The following PDE4D variants were observed in gnomAD, a reference collection of about 807,000 sequenced individuals.
PDE4D encodes the protein phosphodiesterase 4D, also known as 3',5'-cyclic-AMP phosphodiesterase 4D.
In PDE4D, 24 loss-of-function variants were observed where a neutral mutation model predicts 87.4. The ratio of observed to expected loss-of-function variants is 0.27; its 90% CI spans 0.20 to 0.39. The LOEUF is 0.39. Ranked by LOEUF, PDE4D falls within the 10% of genes least tolerant of loss-of-function variation. PDE4D has a pLI of 1.00. For missense variants in PDE4D, 714 were observed against 1,041.0 expected (o/e 0.69, Z 4.32); for synonymous variants, 384 against 383.2 (o/e 1.00, Z -0.02).
intron 1 of PDE4D, among the ~76,000 whole-genome samples, chr5:60,478,426 A>T (rs1388655947): frequency 6.6e-6 from 1 of 152,172 alleles, no homozygotes; most frequent in Non-Finnish European, 1.5e-5. Context: ...TCCTTCAGTA[A>T]TTCTCCTCTA....
intron 2 of PDE4D, among the ~76,000 whole-genome samples, chr5:59,207,099 A>T (rs1748964551): frequency 6.6e-6 from 1 of 152,108 alleles, no homozygotes; most frequent in Non-Finnish European, 1.5e-5. Flanking sequence ...TGGGAGAATC[A>T]CTTGAGCCCA....
chr5:59,380,388 C>CAAAAAAAAAAAAAAAAAAA (rs10574102), intron 1 of PDE4D, among the ~76,000 whole-genome samples: 1 of 108,958 alleles, frequency 9.2e-6, no homozygotes, highest in African/African-American at 3.4e-5. Flanking sequence ...CAAAAGCAAT[C>CAAAAAAAAAAAAAAAAAAA]AAAAAAAAAA....
chr5:60,408,349 G>A (rs1741752204), intron 1 of PDE4D, among the ~76,000 whole-genome samples: 1 of 152,136 alleles, frequency 6.6e-6, no homozygotes, highest in African/African-American at 2.4e-5. Flanking sequence ...CTCTGTGGAG[G>A]CTCCAATCCT....
rs970078916 is a variant in PDE4D, at chr5:59,536,723, G to C, written c.456-320755C>G. 3.3e-5 allele frequency among the ~76,000 whole-genome samples: 5 copies of C among 152,002 alleles called. 1 individual carries two copies. The highest frequency in any genetic ancestry group is 2.6e-4 in the Admixed American group (4 of 15,260). ...TCAGACCCTTACAGGCTTTTGAAAA[G>C]ACTCTTTTTTCTTTAATATGAGATG... On this transcript the variant is annotated intron_variant, in intron 1 of 14. Transcript: ENST00000340635.
intron 1 of PDE4D, among the ~76,000 whole-genome samples, chr5:59,542,348 A>G (rs990255671): frequency 1.3e-5 from 2 of 152,184 alleles, no homozygotes; most frequent in Admixed American, 6.5e-5. Flanking sequence ...CTGTACAGAG[A>G]GTACAGACAT....
At chr5:59,315,336 C>T (rs922868145) in intron 1 of PDE4D, among the ~76,000 whole-genome samples, 27 of 152,140 alleles carry the variant, frequency 1.8e-4, no homozygotes, top group African/African-American at 6.5e-4. Context: ...CCGATGGGAC[C>T]ATTCTGTTCT....
At chr5:59,656,975 C>T (rs1465839552) in intron 1 of PDE4D, among the ~76,000 whole-genome samples, 1 of 152,012 alleles carries the variant, frequency 6.6e-6, no homozygotes, top group African/African-American at 2.4e-5. Flanking sequence ...TCTACAATAC[C>T]TGCCTTTTAC....
rs1783303159 is a variant in PDE4D at position 60,170,344 on chromosome 5, C to CT, written c.42+15212dup. Among the ~76,000 whole-genome samples the CT allele has an allele frequency of 7.9e-5, 12 of 151,808 alleles. No homozygotes were observed. In the South Asian group the frequency reaches 2.5e-3, roughly 32 times the overall value. On this transcript the variant is annotated intron_variant, in intron 2 of 16. Coordinates refer to the PDE4D transcript ENST00000502484. ...TAGCAACTGATAGGCTAGCCTTTCA[C>CT]TATAGATCTACATAATTCCAAGGAT...
At chr5:59,960,615 C>G (rs1759359144) in intron 3 of PDE4D, among the ~76,000 whole-genome samples, 1 of 152,074 alleles carries the variant, frequency 6.6e-6, no homozygotes, top group African/African-American at 2.4e-5. Flanking sequence ...AACAGCAAAC[C>G]AAATGTTGCA....
intron 5 of PDE4D, among the ~76,000 whole-genome samples, chr5:59,143,426 A>C (rs1177034966): frequency 6.6e-6 from 1 of 152,222 alleles, no homozygotes; most frequent in Non-Finnish European, 1.5e-5. Flanking sequence ...AATTTAATAT[A>C]GGGATTAAGA....
At chr5:59,815,908 T>G (rs1768922586) in intron 1 of PDE4D, among the ~76,000 whole-genome samples, 1 of 152,350 alleles carries the variant, frequency 6.6e-6, no homozygotes, top group Admixed American at 6.5e-5. Flanking sequence ...CTGAAATTAT[T>G]TTATTGTAAA....
chr5:59,570,032 G>A (rs1017873580), intron 1 of PDE4D, among the ~76,000 whole-genome samples: 1 of 152,162 alleles, frequency 6.6e-6, no homozygotes, highest in Non-Finnish European at 1.5e-5. Context: ...TGTGATTACC[G>A]TGAATGAGGT....
chr5:59,462,715 C>G (rs1487789728), intron 1 of PDE4D, among the ~76,000 whole-genome samples: 1 of 152,100 alleles, frequency 6.6e-6, no homozygotes, highest in Non-Finnish European at 1.5e-5. Context: ...GCTGGTAAAT[C>G]AAAGATACGT....
chr5:60,339,887 T>A (rs538501072), intron 1 of PDE4D, among the ~76,000 whole-genome samples: 8 of 152,264 alleles, frequency 5.3e-5, no homozygotes, highest in Non-Finnish European at 1.2e-4. Flanking sequence ...CCGAGGCAAC[T>A]CAGCATGTGC....
chr5:59,130,841 T>C (rs565267778), intron 5 of PDE4D, among the ~76,000 whole-genome samples: 1 of 152,356 alleles, frequency 6.6e-6, no homozygotes, highest in East Asian at 1.9e-4. Context: ...TGAATAGCCC[T>C]TCTGCCTCAT....
Position 59,185,214 on chromosome 5 carries a change from T to C in PDE4D, c.733A>G (p.Asn245Asp). The C allele has an allele frequency of 6.2e-7, 1 of 1,612,910 alleles. No individual in the cohort carries two copies. The highest frequency in any genetic ancestry group is 8.5e-7 in the Non-Finnish European group (1 of 1,179,162). The change falls in exon 4 of 15, where the codon AAT (asparagine) becomes GAT (aspartate). Residue 245 changes from asparagine to aspartate, a missense_variant. Transcript: ENST00000340635. ...TVRNNFAALT[N>D]LQDRAPSKRS... is the part of the protein sequence containing the mutation. ...TTGCTAGGTGCTCGATCTTGCAAATTAGTTAATGCAGCAAAGTTGTTTCGT... is the reference window on the plus strand; with the variant it reads ...TTGCTAGGTGCTCGATCTTGCAAATCAGTTAATGCAGCAAAGTTGTTTCGT...
chr5:60,042,739 G>A (rs1226392960), intron 2 of PDE4D, among the ~76,000 whole-genome samples: 2 of 152,144 alleles, frequency 1.3e-5, no homozygotes, highest in African/African-American at 4.8e-5. Flanking sequence ...CAAACAGAAA[G>A]GAGTAGCATC....
intron 1 of PDE4D, among the ~76,000 whole-genome samples, chr5:59,578,476 A>ATAATAATTTGTG (rs757581834): frequency 6.6e-6 from 1 of 152,214 alleles, no homozygotes; most frequent in Non-Finnish European, 1.5e-5. Context: ...TTTCCCTGAC[A>ATAATAATTTGTG]TAATACTTTG....
intron 3 of PDE4D, among the ~76,000 whole-genome samples, chr5:59,932,551 C>T (rs1246476572): frequency 1.3e-5 from 2 of 152,160 alleles, no homozygotes; most frequent in Non-Finnish European, 2.9e-5. Flanking sequence ...TGCCTAAGGT[C>T]CAAAGTAAGT....
Sources: gnomAD v4.1 joint callset for allele counts (sites outside exome capture counted in the v4.1 genomes callset) on GRCh38, gnomAD v4.1.1 for gene constraint, MANE v1.5 for transcripts, NCBI Gene and HGNC (gene_info 2026-07-23, HGNC 2026-07-21) for gene names.